ERO1B: variants seen among roughly 807,000 people sequenced by gnomAD.
The protein encoded by ERO1B is endoplasmic reticulum oxidoreductase 1 beta, also known as ERO1-like protein beta.
A neutral mutation model predicts 75.3 loss-of-function variants in ERO1B; 49 were observed. The ratio of observed to expected loss-of-function variants is 0.65; its 90% CI spans 0.52 to 0.83. The LOEUF (loss-of-function observed/expected upper bound fraction) is 0.83. Ranked by LOEUF, ERO1B falls within the 40% of genes least tolerant of loss-of-function variation. The pLI, the probability that ERO1B is intolerant of heterozygous loss-of-function variation, is 0.00. For synonymous variants in ERO1B, 191 were observed against 192.9 expected, an observed-to-expected ratio of 0.99 and a Z score of 0.08; for missense variants, 512 against 560.1, an observed-to-expected ratio of 0.91 and a Z score of 0.87.
intron 4 of ERO1B, among the ~76,000 whole-genome samples, chr1:236,250,695 T>G (rs904740832): frequency 2.0e-4 from 27 of 132,806 alleles, no homozygotes; most frequent in African/African-American, 6.6e-4. Flanking sequence ...AAAAGTTATA[T>G]ATACACACAC....
Position 236,217,808 on chromosome 1 carries a change from T to G in ERO1B, c.*708A>C, listed in dbSNP as rs1314019914. The G allele has an allele frequency of 6.6e-6, 1 of 152,116 alleles. No individual in the cohort carries two copies. 9.4% of individuals were successfully genotyped at this position (152,116 alleles called of 1,614,324 possible). A position where few individuals can be genotyped will look rare whatever the true frequency, so the allele number is the denominator to read the frequency against. On this transcript the variant is annotated 3_prime_UTR_variant, in exon 16 of 16. Coordinates refer to ENST00000354619, the MANE Select transcript of ERO1B (RefSeq NM_019891.4). ...GGGCCAGCCCATTACACACACAAAATCTGGCTGGGTAGCATAGGGGAGAGG... is the reference window on the plus strand; with the variant it reads ...GGGCCAGCCCATTACACACACAAAAGCTGGCTGGGTAGCATAGGGGAGAGG...
intron 2 of ERO1B, among the ~76,000 whole-genome samples, chr1:236,263,778 CTTTTTT>C: frequency 1.0e-3 from 81 of 80,266 alleles, no homozygotes; most frequent in African/African-American, 3.9e-3. Flanking sequence ...ATTTTGTTTG[CTTTTTT>C]TTTTTTTTTT....
chr1:236,231,325 A>G (rs1199519431), intron 9 of ERO1B, among the ~76,000 whole-genome samples: 1 of 152,192 alleles, frequency 6.6e-6, no homozygotes, highest in Non-Finnish European at 1.5e-5. Context: ...AAAGAAATGC[A>G]GTAAGTTCAA....
Position 236,217,655 on chromosome 1 carries a change from T to C in ERO1B, c.*861A>G, listed in dbSNP as rs572537690. ...ATTTAAATTTTATCAAGAAGTAATC[T>C]GTTAAATATTTCTGCAGTGTTTTCT... On this transcript the variant is annotated 3_prime_UTR_variant, in exon 16 of 16. Coordinates refer to ENST00000354619, the MANE Select transcript of ERO1B (RefSeq NM_019891.4). 1.4e-4 allele frequency: 21 copies of C among 152,740 alleles called. No homozygotes were observed. The highest frequency in any genetic ancestry group is 4.8e-4 in the African/African-American group (20 of 41,592). The allele number at this position is 152,740 out of a possible 1,614,324, so 9.5% of individuals were successfully genotyped here.
intron 1 of ERO1B, among the ~76,000 whole-genome samples, chr1:236,275,173 G>A (rs1235588086): frequency 2.0e-5 from 3 of 152,198 alleles, no homozygotes; most frequent in African/African-American, 7.2e-5. Flanking sequence ...CCAACTGGGT[G>A]GTGTCCAACA....
At chr1:236,275,523 T>C (rs948285611) in intron 1 of ERO1B, among the ~76,000 whole-genome samples, 1 of 152,198 alleles carries the variant, frequency 6.6e-6, no homozygotes, top group Non-Finnish European at 1.5e-5. Context: ...TAAGTCAATG[T>C]ATTCCCCAAC....
chr1:236,235,324 A>G (rs1026222971), intron 8 of ERO1B, among the ~76,000 whole-genome samples: 3 of 152,338 alleles, frequency 2.0e-5, no homozygotes, highest in Admixed American at 6.5e-5. Context: ...CTCCTGGGTG[A>G]TGTGTATGCA....
intron 4 of ERO1B, 45 bp from the exon 5 acceptor site, chr1:236,250,012 T>C (rs1409528888): frequency 1.6e-6 from 2 of 1,275,914 alleles, no homozygotes. Flanking sequence ...TACCTTATTC[T>C]TTATTTCAGT....
At chr1:236,274,358 T>C (rs1427992414) in intron 1 of ERO1B, among the ~76,000 whole-genome samples, 2 of 152,218 alleles carry the variant, frequency 1.3e-5, no homozygotes, top group Non-Finnish European at 2.9e-5. Context: ...GATTATCTTT[T>C]TTCTTATTTG....
At chr1:236,254,873 A>G (rs768902641) in intron 2 of ERO1B, among the ~76,000 whole-genome samples, 2 of 151,214 alleles carry the variant, frequency 1.3e-5, no homozygotes, top group Non-Finnish European at 2.9e-5. Context: ...TTGGCCTCCC[A>G]AAGTGCTGGG....
chr1:236,281,884 C>T lies in ERO1B; in HGVS notation c.-101G>A. ...AAGGGGACGGTTCCCAGCGGCCGAG[C>T]GACTCCAGGGTCAGAGGTCTGCACT... On this transcript the variant is annotated 5_prime_UTR_variant, in exon 1 of 16. Coordinates refer to ENST00000354619, the MANE Select transcript of ERO1B (RefSeq NM_019891.4). The T allele has an allele frequency of 2.4e-6, 2 of 832,842 alleles. No individual in the cohort carries two copies. The highest frequency in any genetic ancestry group is 3.3e-6 in the Non-Finnish European group (2 of 607,292). 51.6% of individuals were successfully genotyped at this position (832,842 alleles called of 1,614,324 possible).
chr1:236,236,986 G>GT (rs1305805487), intron 6 of ERO1B, among the ~76,000 whole-genome samples: 4 of 151,270 alleles, frequency 2.6e-5, no homozygotes, highest in Admixed American at 6.6e-5. Context: ...ATATTGAAGT[G>GT]TTTTTTTTGC....
chr1:236,248,310 T>C (rs1038913098), intron 5 of ERO1B, among the ~76,000 whole-genome samples: 2 of 152,200 alleles, frequency 1.3e-5, no homozygotes, highest in Non-Finnish European at 2.9e-5. Context: ...ATGTAGAGAA[T>C]GATACAAGCT....
chr1:236,266,268 C>T (rs1056235379), intron 2 of ERO1B, among the ~76,000 whole-genome samples: 1 of 152,220 alleles, frequency 6.6e-6, no homozygotes, highest in East Asian at 1.9e-4. Context: ...AGACTGTTAC[C>T]TCCACCTGTA....
chr1:236,245,648 C>T (rs1312176861), intron 5 of ERO1B, among the ~76,000 whole-genome samples: 15 of 131,718 alleles, frequency 1.1e-4, no homozygotes, highest in African/African-American at 2.9e-4. Flanking sequence ...TGTAGTGGCA[C>T]GATCTTGGCT....
intron 13 of ERO1B, 115 bp from the exon 14 acceptor site, chr1:236,222,125 T>C: frequency 1.2e-6 from 1 of 844,050 alleles, no homozygotes; most frequent in Non-Finnish European, 1.9e-6. Flanking sequence ...TTTTTGTTTG[T>C]TTGAGAAGGA....
intron 1 of ERO1B, among the ~76,000 whole-genome samples, chr1:236,280,067 T>C (rs1340203166): frequency 6.6e-6 from 1 of 152,194 alleles, no homozygotes; most frequent in Admixed American, 6.5e-5. Context: ...AGTAAGAGGC[T>C]CGCTGGAGGC....
chr1:236,237,065 T>C (rs1194571163), intron 6 of ERO1B, among the ~76,000 whole-genome samples: 1 of 152,058 alleles, frequency 6.6e-6, no homozygotes, highest in Non-Finnish European at 1.5e-5. Flanking sequence ...AAATAACCAT[T>C]TTCCATATTG....
At chr1:236,262,034 G>A (rs761319379) in intron 2 of ERO1B, among the ~76,000 whole-genome samples, 1 of 152,174 alleles carries the variant, frequency 6.6e-6, no homozygotes, top group Non-Finnish European at 1.5e-5. Context: ...AAGCAATCAT[G>A]AGCAAAAAAT....
Sources: allele counts gnomAD v4.1 joint callset (sites outside exome capture counted in the v4.1 genomes callset), GRCh38; gene constraint gnomAD v4.1.1; transcripts MANE v1.5; gene names NCBI Gene and HGNC (gene_info 2026-07-23, HGNC 2026-07-21).